TLR3: variants seen among roughly 807,000 people sequenced by gnomAD.
The protein encoded by TLR3 is toll-like receptor 3.
In TLR3, 43 loss-of-function variants were observed where a neutral mutation model predicts 66.4. The ratio of observed to expected loss-of-function variants is 0.65; its 90% CI spans 0.51 to 0.83. TLR3 has a LOEUF of 0.83. Ranked by LOEUF, TLR3 falls within the 40% of genes least tolerant of loss-of-function variation. The probability of loss-of-function intolerance (pLI) is 0.00; values close to 1 mark genes in which losing one functional copy is unlikely to be tolerated. For missense variants in TLR3, 982 were observed against 1,044.6 expected (o/e 0.94, Z 0.83); for synonymous variants, 397 against 397.2 (o/e 1.00, Z 0.01).
chr4:186,083,236 A>T lies in TLR3; in HGVS notation c.1550A>T (p.Asn517Ile). 6.2e-7 allele frequency: 1 copy of T among 1,614,186 alleles called. No homozygotes were observed. The highest frequency in any genetic ancestry group is 8.5e-7 in the Non-Finnish European group (1 of 1,180,028). ...ACCATTCTGGATCTAAGCAACAACA[A>T]CATAGCCAACATAAATGATGACATG... ...NLTILDLSNNNIANINDDMLE... is the reference protein window; with the variant it reads ...NLTILDLSNNIIANINDDMLE... The change falls in exon 4 of 5, where the codon AAC becomes ATC. Residue 517 changes from asparagine to isoleucine, a missense_variant. Around this residue, in one of 3 missense-constraint regions of TLR3, gnomAD observed 666 missense variants for 709.0 expected, o/e 0.94. Coordinates refer to ENST00000296795, the MANE Select transcript of TLR3 (RefSeq NM_003265.3). The surrounding 1 kb of genome is among the most constrained non-coding windows in gnomAD (Gnocchi z 4.0).
intron 3 of TLR3, among the ~76,000 whole-genome samples, chr4:186,080,310 T>C (rs1057013358): frequency 6.6e-6 from 1 of 152,072 alleles, no homozygotes; most frequent in Non-Finnish European, 1.5e-5. Flanking sequence ...ACATTTATTG[T>C]AGTAATCTTA....
intron 1 of TLR3, among the ~76,000 whole-genome samples, chr4:186,073,728 G>T (rs1360708910): frequency 6.6e-6 from 1 of 152,034 alleles, no homozygotes; most frequent in East Asian, 1.9e-4. Flanking sequence ...AAAAATAAAA[G>T]AGAAGATGAT....
chr4:186,082,850 C>T lies in TLR3; in HGVS notation c.1164C>T (p.Asn388=), dbSNP rs2099303776. Residue 388 remains asparagine (N), a synonymous_variant, in exon 4 of 5, where the codon AAC becomes AAT. Coordinates refer to ENST00000296795, the MANE Select transcript of TLR3 (RefSeq NM_003265.3). ...LINLKYLSLS[N]SFTSLRTLTN... is the part of the protein sequence containing the mutation. ...ACCTGAAATACTTAAGTCTATCCAA[C>T]TCCTTTACAAGTTTGCGAACTTTGA... 1.2e-6 allele frequency: 2 copies of T among 1,613,638 alleles called. No homozygotes were observed. Among genetic ancestry groups the T allele is most frequent in the African/African-American group, 1.3e-5 (1 of 74,898 alleles).
intron 2 of TLR3, among the ~76,000 whole-genome samples, 165 bp downstream of exon 2, chr4:186,077,225 C>G (rs1411637326): frequency 3.9e-5 from 6 of 152,192 alleles, no homozygotes; most frequent in African/African-American, 1.4e-4. Flanking sequence ...AGAAAATATA[C>G]TCTTAAATCA....
chr4:186,074,765 T>C (rs888360848), intron 1 of TLR3, among the ~76,000 whole-genome samples: 2 of 152,200 alleles, frequency 1.3e-5, no homozygotes, highest in Admixed American at 1.3e-4. Flanking sequence ...TGTATTCTTA[T>C]TTTATAAGCT....
chr4:186,077,269 C>T (rs934416846), intron 2 of TLR3, among the ~76,000 whole-genome samples: 6 of 152,156 alleles, frequency 3.9e-5, no homozygotes, highest in Non-Finnish European at 5.9e-5. Context: ...TTGCCTCTCT[C>T]GCTTTCTCCC....
intron 3 of TLR3, 167 bp from the exon 4 acceptor site, chr4:186,082,153 A>G: frequency 1.6e-6 from 1 of 627,824 alleles, no homozygotes; most frequent in Non-Finnish European, 2.6e-6. Flanking sequence ...TGAACTGAGG[A>G]GGTGGAGTTT....
At position 186,082,440 on chromosome 4, in the gene TLR3, A is replaced by G; in HGVS notation, c.754A>G (p.Asn252Asp). The G allele has an allele frequency of 6.2e-7, 1 of 1,614,118 alleles. No homozygotes were observed. The highest frequency in any genetic ancestry group is 8.5e-7 in the Non-Finnish European group (1 of 1,180,016). Residue 252 changes from asparagine to aspartate, a missense_variant, in exon 4 of 5, where the codon AAT becomes GAT. Asn to Asp is a conservative substitution (Grantham distance 23). Around this residue, in one of 3 missense-constraint regions of TLR3, gnomAD observed 313 missense variants for 319.0 expected, o/e 0.98. Coordinates refer to ENST00000296795, the MANE Select transcript of TLR3 (RefSeq NM_003265.3). Reference protein sequence around the residue: ...CLELANTSIRNLSLSNSQLST... With the variant: ...CLELANTSIRDLSLSNSQLST... ...GGAATTAGCAAACACAAGCATTCGG[A>G]ATCTGTCTCTGAGTAACAGCCAGCT...
intron 3 of TLR3, among the ~76,000 whole-genome samples, chr4:186,080,674 C>T (rs2150067169): frequency 6.6e-6 from 1 of 152,182 alleles, no homozygotes; most frequent in South Asian, 2.1e-4. Flanking sequence ...TCACTGCAAC[C>T]TCCGACTCCC....
In TLR3 at chr4:186,085,508, T is replaced by C. The variant is rs2099304213; in HGVS notation, c.*635T>C. On this transcript the variant is annotated 3_prime_UTR_variant, in exon 5 of 5. Coordinates refer to ENST00000296795, the MANE Select transcript of TLR3 (RefSeq NM_003265.3). ...ATTGACTTGTATTTTCCTGAGATTA[T>C]GAGTTTCTGCTGTGGGAGGGTGGAA... 6.6e-6 allele frequency: 1 copy of C among 152,562 alleles called. No homozygotes were observed. Among genetic ancestry groups the C allele is most frequent in the African/African-American group, 2.4e-5 (1 of 41,472 alleles). The allele number at this position is 152,562 out of a possible 1,614,324, so 9.5% of individuals were successfully genotyped here.
intron 1 of TLR3, among the ~76,000 whole-genome samples, chr4:186,070,369 T>TACTTTATTTC (rs2099301225): frequency 6.6e-6 from 1 of 152,200 alleles, no homozygotes; most frequent in Non-Finnish European, 1.5e-5. Context: ...TATTTTATTT[T>TACTTTATTTC]ATTTTATTTC....
Position 186,083,385 on chromosome 4 carries a change from C to G in TLR3, c.1699C>G (p.Leu567Val), listed in dbSNP as rs772594650. ...AAAGGGTCTGTCTCACCTCCACATCCTTAACTTGGAGTCCAACGGCTTTGA... is the reference window on the plus strand; with the variant it reads ...AAAGGGTCTGTCTCACCTCCACATCGTTAACTTGGAGTCCAACGGCTTTGA... The part of the protein sequence containing the change: ...FLKGLSHLHI[L>V]NLESNGFDEI... Residue 567 changes from leucine (L) to valine (V), a missense_variant, in exon 4 of 5, where the codon CTT becomes GTT. Leu to Val is a conservative substitution (Grantham distance 32). This residue lies in a region of TLR3 where 666 missense variants were observed against 709.0 expected (regional missense o/e 0.94). Transcript: ENST00000296795. This position sits in a 1 kb window ranked among gnomAD's most constrained non-coding sequence, Gnocchi z 4.0. The G allele has an allele frequency of 3.1e-6, 5 of 1,614,190 alleles. No individual in the cohort carries two copies. In the South Asian group the frequency reaches 5.5e-5, roughly 18 times the overall value.
chr4:186,083,401 A>G lies in TLR3; in HGVS notation c.1715A>G (p.Asn572Ser), dbSNP rs776136889. Residue 572 changes from asparagine to serine, a missense_variant, in exon 4 of 5, where the codon AAC (asparagine) becomes AGC (serine). Asn to Ser is a conservative substitution (Grantham distance 46, BLOSUM62 1). Around this residue, in one of 3 missense-constraint regions of TLR3, gnomAD observed 666 missense variants for 709.0 expected, o/e 0.94. Transcript: ENST00000296795. This position sits in a 1 kb window ranked among gnomAD's most constrained non-coding sequence, Gnocchi z 4.0. ...SHLHILNLES[N>S]GFDEIPVEVF... ...CTCCACATCCTTAACTTGGAGTCCA[A>G]CGGCTTTGACGAGATCCCAGTTGAG... The G allele has an allele frequency of 6.2e-7, 1 of 1,614,146 alleles. No individual in the cohort carries two copies. The highest frequency in any genetic ancestry group is 1.1e-5 in the South Asian group (1 of 91,080).
intron 1 of TLR3, among the ~76,000 whole-genome samples, chr4:186,074,482 C>A (rs1415018745): frequency 1.3e-5 from 2 of 152,190 alleles, no homozygotes; most frequent in African/African-American, 2.4e-5. Flanking sequence ...GTGGAGCTTG[C>A]AGTACTGGGA....
At chr4:186,080,719 G>A (rs1212497460) in intron 3 of TLR3, among the ~76,000 whole-genome samples, 3 of 152,074 alleles carry the variant, frequency 2.0e-5, no homozygotes, top group Non-Finnish European at 4.4e-5. Flanking sequence ...AGCCTCCCGA[G>A]TAGCTGGGAT....
At chr4:186,078,183 A>G (rs2099302771) in intron 2 of TLR3, among the ~76,000 whole-genome samples, 1 of 152,200 alleles carries the variant, frequency 6.6e-6, no homozygotes, top group East Asian at 1.9e-4. Flanking sequence ...ATTACATTAG[A>G]CTTTGCCTTA....
At chr4:186,072,852 G>C (rs1391992442) in intron 1 of TLR3, among the ~76,000 whole-genome samples, 1 of 152,166 alleles carries the variant, frequency 6.6e-6, no homozygotes, top group Non-Finnish European at 1.5e-5. Flanking sequence ...AGCCAACAAA[G>C]TGCCAGGTCT....
rs141634515 is a variant in TLR3 at position 186,082,867 on chromosome 4, G to T, written c.1181G>T (p.Arg394Leu). ...LSLSNSFTSL[R>L]TLTNETFVSL... ...CTATCCAACTCCTTTACAAGTTTGC[G>T]AACTTTGACAAATGAAACATTTGTA... Residue 394 changes from arginine (R) to leucine (L), a missense_variant, in exon 4 of 5, where the codon CGA becomes CTA. Around this residue, in one of 3 missense-constraint regions of TLR3, gnomAD observed 666 missense variants for 709.0 expected, o/e 0.94. Transcript: ENST00000296795. 6.2e-7 allele frequency: 1 copy of T among 1,613,436 alleles called. No homozygotes were observed. The highest frequency in any genetic ancestry group is 1.3e-5 in the African/African-American group (1 of 74,984).
intron 1 of TLR3, among the ~76,000 whole-genome samples, chr4:186,071,519 G>A (rs758009527): frequency 2.0e-5 from 3 of 152,204 alleles, no homozygotes; most frequent in Non-Finnish European, 4.4e-5. Flanking sequence ...TGCCAGCCCT[G>A]CATCCTTCAC....
Sources: gnomAD v4.1 joint callset for allele counts (sites outside exome capture counted in the v4.1 genomes callset) on GRCh38, gnomAD v4.1.1 for gene constraint, gnomAD v4.1.1 regional missense constraint, Gnocchi (gnomAD v3.1) non-coding constraint, MANE v1.5 for transcripts, NCBI Gene and HGNC (gene_info 2026-07-23, HGNC 2026-07-21) for gene names.